The following EPHA6 variants were observed in gnomAD, a reference collection of about 807,000 sequenced individuals.
EPHA6 encodes the protein EPH receptor A6, also known as ephrin type-A receptor 6.
A neutral mutation model predicts 112.0 loss-of-function variants in EPHA6; 50 were observed. The ratio of observed to expected loss-of-function variants is 0.45; its 90% CI spans 0.36 to 0.56. EPHA6 has a LOEUF of 0.56. Ranked by LOEUF, EPHA6 falls within the 20% of genes least tolerant of loss-of-function variation. The pLI, the probability that EPHA6 is intolerant of heterozygous loss-of-function variation, is 0.00. For missense variants in EPHA6, 1,280 were observed against 1,417.4 expected (o/e 0.90, Z 1.56); for synonymous variants, 529 against 490.7 (o/e 1.08, Z -1.03).
At chr3:97,122,441 T>G (rs1576526276) in intron 3 of EPHA6, among the ~76,000 whole-genome samples, 1 of 152,098 alleles carries the variant, frequency 6.6e-6, no homozygotes, top group Non-Finnish European at 1.5e-5. Context: ...CATGTTGGTT[T>G]GGTAAGCATG....
intron 10 of EPHA6, among the ~76,000 whole-genome samples, chr3:97,530,505 C>A (rs146022833): frequency 6.6e-6 from 1 of 151,432 alleles, no homozygotes; most frequent in African/African-American, 2.4e-5. Context: ...TAAATCATTG[C>A]ATTATTACAA....
intron 13 of EPHA6, among the ~76,000 whole-genome samples, chr3:97,631,188 T>G (rs1368982204): frequency 4.6e-5 from 7 of 152,016 alleles, no homozygotes; most frequent in Non-Finnish European, 7.4e-5. Context: ...GGTGAGGATA[T>G]TTTTGTACCA....
At chr3:97,056,269 C>T (rs551142194) in intron 3 of EPHA6, among the ~76,000 whole-genome samples, 3 of 152,196 alleles carry the variant, frequency 2.0e-5, no homozygotes, top group South Asian at 4.2e-4. Flanking sequence ...ACTTGCTATG[C>T]GAACATACTT....
intron 3 of EPHA6, among the ~76,000 whole-genome samples, chr3:97,068,228 GAA>G (rs2046241676): frequency 6.6e-6 from 1 of 150,852 alleles, no homozygotes. Context: ...TTTAATGGTG[GAA>G]AAATTTTACT....
intron 3 of EPHA6, among the ~76,000 whole-genome samples, chr3:97,112,662 G>C (rs1419895668): frequency 6.6e-6 from 1 of 151,362 alleles, no homozygotes. Flanking sequence ...TTCTAGCCTA[G>C]TATGATTTAA....
chr3:97,370,521 A>C (rs2084987134), intron 5 of EPHA6, among the ~76,000 whole-genome samples: 1 of 152,170 alleles, frequency 6.6e-6, no homozygotes, highest in Admixed American at 6.6e-5. Flanking sequence ...TATATATGAG[A>C]GTGAATTTCA....
intron 13 of EPHA6, among the ~76,000 whole-genome samples, chr3:97,635,704 C>G (rs1186464216): frequency 6.6e-6 from 1 of 151,720 alleles, no homozygotes; most frequent in Admixed American, 6.6e-5. Context: ...GAGGGGATGA[C>G]GAAAATGTTC....
Position 97,748,791 on chromosome 3 carries a change from TC to T in EPHA6, c.*91del. On this transcript the variant is annotated 3_prime_UTR_variant, in exon 18 of 18. Transcript: ENST00000389672. ...ACTCTCTCTTCTGATTCTCCAAACA[TC>T]ACTTCACAAACTGCAGTCTTCTGTT... The T allele has an allele frequency of 1.3e-6, 1 of 742,450 alleles. No homozygotes were observed. Among genetic ancestry groups the T allele is most frequent in the East Asian group, 2.7e-5 (1 of 37,674 alleles). The allele number at this position is 742,450 out of a possible 1,614,324, so 46.0% of individuals were successfully genotyped here.
At chr3:97,652,022 G>A (rs1014490034) in intron 14 of EPHA6, among the ~76,000 whole-genome samples, 4 of 151,868 alleles carry the variant, frequency 2.6e-5, no homozygotes, top group East Asian at 1.9e-4. Context: ...TAGTAGTCCC[G>A]AGTGTCTATT....
intron 2 of EPHA6, among the ~76,000 whole-genome samples, chr3:96,981,902 C>A (rs2042806549): frequency 6.6e-6 from 1 of 152,008 alleles, no homozygotes; most frequent in Admixed American, 6.6e-5. Flanking sequence ...GTGGTGATAT[C>A]CCCTTTATCA....
intron 3 of EPHA6, among the ~76,000 whole-genome samples, chr3:97,144,030 AGGT>A (rs1276286318): frequency 2.0e-5 from 3 of 151,722 alleles, no homozygotes; most frequent in African/African-American, 7.2e-5. Flanking sequence ...CCTTTGTGCA[AGGT>A]TGTGGTTTTT....
chr3:97,735,299 T>C (rs566339089), intron 15 of EPHA6, among the ~76,000 whole-genome samples: 3 of 152,164 alleles, frequency 2.0e-5, no homozygotes, highest in African/African-American at 7.2e-5. Context: ...TATTGCCCTA[T>C]AGCCTTAAGC....
At chr3:97,685,038 A>G (rs1377504588) in intron 14 of EPHA6, among the ~76,000 whole-genome samples, 1 of 152,218 alleles carries the variant, frequency 6.6e-6, no homozygotes, top group African/African-American at 2.4e-5. Flanking sequence ...CAATAGTGCT[A>G]TAGTAAGTTT....
At chr3:97,214,603 T>G (rs2108520293) in intron 3 of EPHA6, among the ~76,000 whole-genome samples, 1 of 152,176 alleles carries the variant, frequency 6.6e-6, no homozygotes, top group Admixed American at 6.6e-5. Flanking sequence ...ATATGTATAA[T>G]ATTTTCATTG....
At chr3:96,928,391 T>C (rs2040148886) in intron 2 of EPHA6, among the ~76,000 whole-genome samples, 1 of 152,246 alleles carries the variant, frequency 6.6e-6, no homozygotes, top group Non-Finnish European at 1.5e-5. Context: ...GCGAAAGTCA[T>C]TCAGGAGCAG....
chr3:97,014,722 T>A (rs893118981), intron 3 of EPHA6, among the ~76,000 whole-genome samples: 2 of 152,188 alleles, frequency 1.3e-5, no homozygotes. Context: ...GCACGTGGAA[T>A]GTTTCTTTAA....
chr3:97,395,641 ATTTT>A (rs1241429550), intron 5 of EPHA6, among the ~76,000 whole-genome samples: 1 of 151,724 alleles, frequency 6.6e-6, no homozygotes, highest in Non-Finnish European at 1.5e-5. Flanking sequence ...TGTATTATTT[ATTTT>A]ATTTTAGTAT....
intron 2 of EPHA6, among the ~76,000 whole-genome samples, chr3:96,957,900 G>A (rs1051795763): frequency 1.3e-5 from 2 of 152,072 alleles, no homozygotes; most frequent in African/African-American, 4.8e-5. Context: ...ACTACATGTG[G>A]AAACTGAAAT....
At chr3:97,626,061 A>T (rs866491118) in intron 13 of EPHA6, among the ~76,000 whole-genome samples, 1 of 151,828 alleles carries the variant, frequency 6.6e-6, no homozygotes, top group Admixed American at 6.6e-5. Context: ...TGGAATAATT[A>T]TTGAAATTAA....
Sources: allele counts gnomAD v4.1 joint callset (sites outside exome capture counted in the v4.1 genomes callset), GRCh38; gene constraint gnomAD v4.1.1; transcripts MANE v1.5; gene names NCBI Gene and HGNC (gene_info 2026-07-23, HGNC 2026-07-21).